RPGRIP1L: variants seen among roughly 807,000 people sequenced by gnomAD.
RPGRIP1L encodes RPGRIP1 like, also known as protein fantom.
A neutral mutation model predicts 160.4 loss-of-function variants in RPGRIP1L; 131 were observed. The ratio of observed to expected loss-of-function variants is 0.82; its 90% CI spans 0.71 to 0.94. The LOEUF (loss-of-function observed/expected upper bound fraction) is 0.94. RPGRIP1L is among the 40% of genes least tolerant of loss of function. The pLI is 0.00. For missense variants in RPGRIP1L, 1,522 were observed against 1,535.8 expected (o/e 0.99, Z 0.15); for synonymous variants, 510 against 515.8 (o/e 0.99, Z 0.15).
At chr16:53,656,435 C>G in intron 14 of RPGRIP1L, 37 bp downstream of exon 14, 9 of 1,264,518 alleles carry the variant, frequency 7.1e-6, no homozygotes, top group Non-Finnish European at 1.0e-5. Context: ...ATCCATTCCT[C>G]TAGTTACTGT....
intron 10 of RPGRIP1L, 40 bp from the exon 11 acceptor site, chr16:53,658,918 A>C (rs1434529522): frequency 7.7e-7 from 1 of 1,292,884 alleles, no homozygotes; most frequent in Non-Finnish European, 1.1e-6. Context: ...GGTAAGTAAA[A>C]ATCAGGTTTA....
At chr16:53,689,383 C>A (rs982233586) in intron 4 of RPGRIP1L, among the ~76,000 whole-genome samples, 7 of 152,064 alleles carry the variant, frequency 4.6e-5, no homozygotes, top group African/African-American at 1.7e-4. Flanking sequence ...ATTAACCAAC[C>A]TCCTTTCATC....
At chr16:53,653,349 GTC>G (rs1966958193) in intron 14 of RPGRIP1L, 1 of 1,071,450 alleles carries the variant, frequency 9.3e-7, no homozygotes, top group Non-Finnish European at 1.1e-6. Context: ...TATAAAGTCA[GTC>G]TCTCTTTCTG....
intron 25 of RPGRIP1L, among the ~76,000 whole-genome samples, chr16:53,605,911 A>G (rs1963653967): frequency 6.6e-6 from 1 of 152,200 alleles, no homozygotes; most frequent in Non-Finnish European, 1.5e-5. Flanking sequence ...TCAATTACAT[A>G]CTATCTGATT....
At chr16:53,660,348 AT>A (rs1385402321) in intron 10 of RPGRIP1L, among the ~76,000 whole-genome samples, 6 of 152,204 alleles carry the variant, frequency 3.9e-5, no homozygotes, top group African/African-American at 1.2e-4. Context: ...TCTTAAAAAA[AT>A]GAACACATTT....
intron 25 of RPGRIP1L, chr16:53,607,979 A>T (rs941477047): frequency 2.0e-6 from 2 of 985,162 alleles, no homozygotes; most frequent in African/African-American, 3.5e-5. Flanking sequence ...GAACGCTTAC[A>T]GTCTAGTCTG....
chr16:53,639,984 T>C (rs1482039440), intron 19 of RPGRIP1L, among the ~76,000 whole-genome samples: 1 of 152,220 alleles, frequency 6.6e-6, no homozygotes, highest in Non-Finnish European at 1.5e-5. Flanking sequence ...TTAAGATTGA[T>C]GTCCTTTACT....
intron 8 of RPGRIP1L, among the ~76,000 whole-genome samples, 170 bp from the exon 9 acceptor site, chr16:53,671,753 T>C (rs924898187): frequency 3.3e-5 from 5 of 152,188 alleles, no homozygotes; most frequent in Non-Finnish European, 7.4e-5. Context: ...TAAGTCAGCA[T>C]TGATTTTTCC....
At chr16:53,653,291 G>C in intron 14 of RPGRIP1L, 2 of 981,318 alleles carry the variant, frequency 2.0e-6, no homozygotes, top group East Asian at 1.1e-4. Flanking sequence ...ATAACTACCT[G>C]GATTTCACCT....
chr16:53,671,605 A>G (rs1168257678), intron 8 of RPGRIP1L, 22 bp from the exon 9 acceptor site: 1 of 1,275,052 alleles, frequency 7.8e-7, no homozygotes, highest in Non-Finnish European at 1.1e-6. Flanking sequence ...ATAAAATTAC[A>G]TATTAAGTAA....
intron 24 of RPGRIP1L, among the ~76,000 whole-genome samples, chr16:53,611,345 G>A (rs750036125): frequency 6.6e-6 from 1 of 152,258 alleles, no homozygotes; most frequent in Non-Finnish European, 1.5e-5. Flanking sequence ...AGTCATGACA[G>A]TAAAAGTCAA....
chr16:53,676,903 G>A (rs11075981), intron 6 of RPGRIP1L, among the ~76,000 whole-genome samples: 14,816 of 152,006 alleles, frequency 0.097, 1,237 homozygotes, highest in African/African-American at 0.22. Flanking sequence ...AAAGTGCTGG[G>A]ATTACAGGTG....
At chr16:53,702,084 T>G (rs1049408065) in intron 1 of RPGRIP1L, among the ~76,000 whole-genome samples, 2 of 152,162 alleles carry the variant, frequency 1.3e-5, no homozygotes, top group African/African-American at 4.8e-5. Context: ...ATGATGATGA[T>G]GATGATGATG....
rs752323875 is a variant in RPGRIP1L at position 53,692,415 on chromosome 16, T to C, written c.231-51A>G. 12 of 1,537,682 alleles carry C rather than the reference T, an allele frequency of 7.8e-6. No individual in the cohort carries two copies. In the African/African-American group the frequency reaches 1.6e-4, roughly 21 times the overall value. ...AGGAATGTGAGAAGTCAGCATAAAA[T>C]CCATTCTGTTGAAAGGAACATAATC... is the stretch of plus-strand genomic sequence containing the variant. On this transcript the variant is annotated intron_variant, in intron 3 of 26. Coordinates refer to ENST00000647211, the MANE Select transcript of RPGRIP1L (RefSeq NM_015272.5).
intron 17 of RPGRIP1L, among the ~76,000 whole-genome samples, chr16:53,643,471 C>T (rs978739152): frequency 2.0e-5 from 3 of 151,896 alleles, no homozygotes; most frequent in Non-Finnish European, 4.4e-5. Flanking sequence ...CTAGTCAATT[C>T]GGAAAGTAAA....
intron 9 of RPGRIP1L, among the ~76,000 whole-genome samples, chr16:53,669,483 A>G (rs939937149): frequency 6.6e-6 from 1 of 151,930 alleles, no homozygotes; most frequent in African/African-American, 2.4e-5. Flanking sequence ...CTTCAAATTT[A>G]TACTCTTAGA....
At chr16:53,653,554 G>A (rs1966981340) in intron 14 of RPGRIP1L, 1 of 155,948 alleles carries the variant, frequency 6.4e-6, no homozygotes, top group African/African-American at 2.4e-5. Flanking sequence ...TCAATTAATT[G>A]CTAGACGCAA....
chr16:53,637,599 C>T, intron 21 of RPGRIP1L, 96 bp downstream of exon 21: 2 of 1,081,786 alleles, frequency 1.8e-6, no homozygotes, highest in African/African-American at 1.5e-5. Context: ...GAAGTAGACG[C>T]TACCATTAAA....
chr16:53,635,069 C>T (rs963326411), intron 22 of RPGRIP1L, among the ~76,000 whole-genome samples: 3 of 151,900 alleles, frequency 2.0e-5, no homozygotes, highest in Non-Finnish European at 4.4e-5. Flanking sequence ...ATTATTTTCC[C>T]TTAGGTAATG....
Sources: allele counts gnomAD v4.1 joint callset (sites outside exome capture counted in the v4.1 genomes callset), GRCh38; gene constraint gnomAD v4.1.1; transcripts MANE v1.5; gene names NCBI Gene and HGNC (gene_info 2026-07-23, HGNC 2026-07-21).